Variants in RNF217 observed in about 807,000 individuals in gnomAD.
The protein encoded by RNF217 is ring finger protein 217, also known as E3 ubiquitin-protein ligase RNF217.
In RNF217, 31 loss-of-function variants were observed where a neutral mutation model predicts 57.8. That is an observed-to-expected ratio of 0.54 (90% CI 0.40 to 0.72). The LOEUF is 0.72. RNF217 is among the 30% of genes least tolerant of loss of function. The probability of loss-of-function intolerance (pLI) is 0.00; values close to 1 mark genes in which losing one functional copy is unlikely to be tolerated. For missense variants in RNF217, 696 were observed against 708.3 expected (o/e 0.98, Z 0.20); for synonymous variants, 313 against 294.0 (o/e 1.06, Z -0.66).
At chr6:125,013,509 G>A (rs1785495905) in intron 1 of RNF217, among the ~76,000 whole-genome samples, 2 of 151,254 alleles carry the variant, frequency 1.3e-5, no homozygotes, top group South Asian at 4.2e-4. Flanking sequence ...CAGGGAGAAG[G>A]TCAAGCAGGT....
At chr6:125,065,440 G>T (rs750903912) in intron 3 of RNF217, among the ~76,000 whole-genome samples, 2 of 152,120 alleles carry the variant, frequency 1.3e-5, no homozygotes, top group Non-Finnish European at 2.9e-5. Context: ...GCTCAATTCT[G>T]TATTGTGCAG....
chr6:125,056,845 G>A (rs954851135), intron 2 of RNF217, among the ~76,000 whole-genome samples: 2 of 152,136 alleles, frequency 1.3e-5, no homozygotes, highest in African/African-American at 2.4e-5. Context: ...TGGAAATAAT[G>A]TGTATGAGTG....
intron 1 of RNF217, among the ~76,000 whole-genome samples, chr6:124,987,988 T>C (rs1582674237): frequency 6.6e-6 from 1 of 152,142 alleles, no homozygotes; most frequent in African/African-American, 2.4e-5. Flanking sequence ...CAGGGATCAA[T>C]CCCCGGACTG....
rs148219226 is a variant in RNF217, at chr6:125,058,154, T to C, written c.1281+48T>C. 1.2e-3 allele frequency: 1,776 copies of C among 1,504,864 alleles called. 2 individuals are homozygous for C. The highest frequency in any genetic ancestry group is 1.4e-3 in the Non-Finnish European group (1,590 of 1,106,634). The allele number at this position is 1,504,864 out of a possible 1,614,324, so 93.2% of individuals were successfully genotyped here. A position where few individuals can be genotyped will look rare whatever the true frequency, so the allele number is the denominator to read the frequency against. On this transcript the variant is annotated intron_variant, in intron 3 of 5. Transcript: ENST00000521654. ...AAGAAAAAACATGTACATCTGGATG[T>C]GACTGAACAATATTTACATTATTGA...
chr6:124,965,813 C>T (rs1783516800), intron 1 of RNF217, among the ~76,000 whole-genome samples: 1 of 152,336 alleles, frequency 6.6e-6, no homozygotes, highest in Admixed American at 6.5e-5. Context: ...CACGCTCTCT[C>T]TCTTTTTTCC....
chr6:125,080,598 C>T (rs969254156), intron 4 of RNF217, among the ~76,000 whole-genome samples: 3 of 152,026 alleles, frequency 2.0e-5, no homozygotes, highest in East Asian at 1.9e-4. Flanking sequence ...TGTCACATGC[C>T]GTAAGGTTTA....
At chr6:124,990,973 G>A (rs1026546684) in intron 1 of RNF217, among the ~76,000 whole-genome samples, 20 of 152,144 alleles carry the variant, frequency 1.3e-4, no homozygotes, top group Admixed American at 5.2e-4. Flanking sequence ...AGAGGGAGGT[G>A]GGAAGATCAC....
chr6:124,994,908 G>T (rs902072242), intron 1 of RNF217, among the ~76,000 whole-genome samples: 13 of 152,152 alleles, frequency 8.5e-5, no homozygotes, highest in African/African-American at 3.1e-4. Flanking sequence ...TGAGAAAGTT[G>T]AGGTATACTA....
At position 124,963,039 on chromosome 6, in the gene RNF217, C is replaced by G; in HGVS notation, c.495C>G (p.Ser165=). 6.3e-7 allele frequency: 1 copy of G among 1,586,356 alleles called. No individual in the cohort carries two copies. The highest frequency in any genetic ancestry group is 8.5e-7 in the Non-Finnish European group (1 of 1,174,478). The change falls in exon 1 of 6, where the codon TCC becomes TCG. Residue 165 remains serine (S), a synonymous_variant. Coordinates refer to ENST00000521654, the MANE Select transcript of RNF217 (RefSeq NM_001286398.3). ...PSLAKRQVFC[S]VYCVESDLPE... ...TCGCCAAGAGACAAGTCTTCTGCTC[C>G]GTGTACTGCGTGGAGAGCGACCTGC...
rs1788853908 is a variant in RNF217, at chr6:125,088,862, T to G, written c.*5925T>G. The G allele has an allele frequency of 6.6e-6, 1 of 152,570 alleles. No individual in the cohort carries two copies. Among genetic ancestry groups the G allele is most frequent in the Non-Finnish European group, 1.5e-5 (1 of 68,010 alleles). The allele number at this position is 152,570 out of a possible 1,614,324, so 9.5% of individuals were successfully genotyped here. On this transcript the variant is annotated 3_prime_UTR_variant, in exon 6 of 6. Transcript: ENST00000521654. ...ATTCCATTATTAATACTAAATGACT[T>G]TCCTTGTGAAATGATACCCACATAC...
Position 125,083,867 on chromosome 6 carries a change from T to C in RNF217, c.*930T>C, listed in dbSNP as rs1788690503. On this transcript the variant is annotated 3_prime_UTR_variant, in exon 6 of 6. Transcript: ENST00000521654. ...TTAGGAAATTCTCAAGACACAAATA[T>C]TCAGTCTTTTTAAAATTCTTACATT... 6.6e-6 allele frequency: 1 copy of C among 152,086 alleles called. No individual in the cohort carries two copies. Among genetic ancestry groups the C allele is most frequent in the African/African-American group, 2.4e-5 (1 of 41,424 alleles). 9.4% of individuals were successfully genotyped at this position (152,086 alleles called of 1,614,324 possible). A position where few individuals can be genotyped will look rare whatever the true frequency, so the allele number is the denominator to read the frequency against.
At chr6:125,028,202 A>G (rs181204077) in intron 1 of RNF217, among the ~76,000 whole-genome samples, 1 of 152,136 alleles carries the variant, frequency 6.6e-6, no homozygotes, top group East Asian at 1.9e-4. Context: ...ATAGTTTGTT[A>G]GTTTATCTTA....
At chr6:124,999,384 A>AT (rs1784882770) in intron 1 of RNF217, among the ~76,000 whole-genome samples, 1 of 151,980 alleles carries the variant, frequency 6.6e-6, no homozygotes, top group South Asian at 2.1e-4. Flanking sequence ...TGTCTTGTGA[A>AT]TTCCTGTAAG....
At chr6:125,025,566 GAAAAGAAGGA>G (rs1786043803) in intron 1 of RNF217, among the ~76,000 whole-genome samples, 1 of 102,978 alleles carries the variant, frequency 9.7e-6, no homozygotes, top group Non-Finnish European at 1.8e-5. Context: ...AAGGAAGGAA[GAAAAGAAGGA>G]AGGGAGGGAG....
chr6:125,013,873 A>G (rs1328648304), intron 1 of RNF217, among the ~76,000 whole-genome samples: 1 of 152,244 alleles, frequency 6.6e-6, no homozygotes. Context: ...AACAGCAGCA[A>G]CAATAAAAGC....
intron 1 of RNF217, among the ~76,000 whole-genome samples, chr6:124,980,392 A>G (rs1031358219): frequency 4.6e-5 from 7 of 152,238 alleles, no homozygotes; most frequent in Admixed American, 2.0e-4. Flanking sequence ...CTTCCCAGAA[A>G]TAACAAAGGT....
intron 4 of RNF217, among the ~76,000 whole-genome samples, chr6:125,078,630 C>T (rs976571791): frequency 6.6e-6 from 1 of 152,076 alleles, no homozygotes; most frequent in African/African-American, 2.4e-5. Context: ...GGTATTAATC[C>T]AGTCATAAGG....
chr6:125,053,871 G>A (rs1582757107), intron 2 of RNF217, among the ~76,000 whole-genome samples: 1 of 152,106 alleles, frequency 6.6e-6, no homozygotes, highest in East Asian at 1.9e-4. Context: ...GCCTCTTTTA[G>A]AAGAGTTTGT....
intron 1 of RNF217, among the ~76,000 whole-genome samples, chr6:125,031,965 A>G (rs1562477535): frequency 6.6e-6 from 1 of 152,210 alleles, no homozygotes; most frequent in Admixed American, 6.5e-5. Context: ...GAGGCCTCAG[A>G]ATCATGGTGG....
Sources: allele counts gnomAD v4.1 joint callset (sites outside exome capture counted in the v4.1 genomes callset), GRCh38; gene constraint gnomAD v4.1.1; transcripts MANE v1.5; gene names NCBI Gene and HGNC (gene_info 2026-07-23, HGNC 2026-07-21).